COL4A3: variants seen among roughly 807,000 people sequenced by gnomAD.
The protein encoded by COL4A3 is collagen type IV alpha 3 chain.
In COL4A3, 135 loss-of-function variants were observed where a neutral mutation model predicts 217.4. That is an observed-to-expected ratio of 0.62 (90% CI 0.54 to 0.72). The LOEUF (loss-of-function observed/expected upper bound fraction) is 0.72. Ranked by LOEUF, COL4A3 falls within the 30% of genes least tolerant of loss-of-function variation. The pLI, the probability that COL4A3 is intolerant of heterozygous loss-of-function variation, is 0.00. For missense variants in COL4A3, 1,868 were observed against 2,119.9 expected (o/e 0.88, Z 2.33); for synonymous variants, 690 against 736.3 (o/e 0.94, Z 1.02).
At chr2:227,272,197 G>T (rs565201651) in intron 25 of COL4A3, among the ~76,000 whole-genome samples, 4 of 152,156 alleles carry the variant, frequency 2.6e-5, no homozygotes, top group Middle Eastern at 3.2e-3. Context: ...CTAATATTAA[G>T]AGAATTTGTA....
chr2:227,258,576 C>A (rs2070345024), intron 18 of COL4A3, among the ~76,000 whole-genome samples: 1 of 152,144 alleles, frequency 6.6e-6, no homozygotes, highest in Non-Finnish European at 1.5e-5. Flanking sequence ...TTGGCTGCAT[C>A]CTCACATGGC....
intron 37 of COL4A3, among the ~76,000 whole-genome samples, chr2:227,291,583 A>AAC (rs2072738252): frequency 3.9e-5 from 1 of 25,486 alleles, no homozygotes; most frequent in East Asian, 1.4e-3. Flanking sequence ...AAAAAAACAA[A>AAC]AAAAAAAAAC....
intron 21 of COL4A3, 89 bp from the exon 22 acceptor site, chr2:227,266,328 G>C: frequency 2.1e-6 from 2 of 967,936 alleles, no homozygotes; most frequent in Non-Finnish European, 3.3e-6. Context: ...AGATGAGAGA[G>C]ATGCATTTTA....
At chr2:227,246,566 A>G in intron 6 of COL4A3, 119 bp from the exon 7 acceptor site, 1 of 790,660 alleles carries the variant, frequency 1.3e-6, no homozygotes, top group African/African-American at 1.7e-5. Context: ...GCCATAAGGA[A>G]TTCGGGTTAC....
chr2:227,285,827 A>T (rs1332978892), intron 34 of COL4A3, among the ~76,000 whole-genome samples: 1 of 152,184 alleles, frequency 6.6e-6, no homozygotes, highest in Non-Finnish European at 1.5e-5. Flanking sequence ...GCTGTTCTGT[A>T]TGTTTTCTTT....
At chr2:227,196,931 G>A (rs1265005557) in intron 1 of COL4A3, among the ~76,000 whole-genome samples, 2 of 152,144 alleles carry the variant, frequency 1.3e-5, no homozygotes, top group African/African-American at 4.8e-5. Flanking sequence ...ATTCCCACAC[G>A]TTGTGAGAGG....
chr2:227,298,925 C>T, intron 43 of COL4A3, 113 bp downstream of exon 43: 1 of 1,047,800 alleles, frequency 9.5e-7, no homozygotes, highest in South Asian at 1.7e-5. Context: ...AGTCCATTCT[C>T]ATGATGTTAA....
rs55868261 is a variant in COL4A3 at position 227,202,880 on chromosome 2, CAT to C, written c.88-35085_88-35084del. Among the ~76,000 whole-genome samples the C allele has an allele frequency of 4.7e-4, 9 of 19,012 alleles. 1 individual carries two copies. Among genetic ancestry groups the C allele is most frequent in the Admixed American group, 7.2e-4 (1 of 1,396 alleles). The allele number at this position is 19,012 out of a possible 152,430, so 12.5% of individuals were successfully genotyped here. ...ATATATACATATATGTGTATATATACATATGTGTATATATGTGTATATATGTG... is the reference window on the plus strand; with the variant it reads ...ATATATACATATATGTGTATATATACATGTGTATATATGTGTATATATGTG... On this transcript the variant is annotated intron_variant, in intron 1 of 51. Coordinates refer to ENST00000396578, the MANE Select transcript of COL4A3 (RefSeq NM_000091.5).
rs1375959023 is a variant in COL4A3, at chr2:227,284,337, G to T, written c.2873G>T (p.Gly958Val). Residue 958 changes from glycine (G) to valine (V), a missense_variant, in exon 34 of 52, where the codon GGT becomes GTT. Physicochemically the swap from Gly to Val is moderately radical, Grantham distance 109. Coordinates refer to ENST00000396578, the MANE Select transcript of COL4A3 (RefSeq NM_000091.5). ...SHVIGDKGEPGLKGFAGNPGE... is the reference protein window; with the variant it reads ...SHVIGDKGEPVLKGFAGNPGE... ...GTAATAGGGGACAAAGGAGAACCAG[G>T]TCTCAAAGGTAAAGAATTGCTTGTT... 1 of 1,613,522 alleles carries T rather than the reference G, an allele frequency of 6.2e-7. No homozygotes were observed. The highest frequency in any genetic ancestry group is 8.5e-7 in the Non-Finnish European group (1 of 1,179,846).
chr2:227,192,359 G>C (rs2066275138), intron 1 of COL4A3, among the ~76,000 whole-genome samples: 1 of 152,122 alleles, frequency 6.6e-6, no homozygotes, highest in Non-Finnish European at 1.5e-5. Context: ...TGAAATGTTA[G>C]ATGTGGTTTA....
chr2:227,208,805 C>CACAT (rs1553741133), intron 1 of COL4A3, among the ~76,000 whole-genome samples: 5 of 106,330 alleles, frequency 4.7e-5, no homozygotes, highest in African/African-American at 1.8e-4. Flanking sequence ...CACACACACA[C>CACAT]ATATATACAG....
Position 227,309,211 on chromosome 2 carries a change from G to C in COL4A3, c.4648G>C (p.Val1550Leu). 2 of 1,614,198 alleles carry C rather than the reference G, an allele frequency of 1.2e-6. No homozygotes were observed. Among genetic ancestry groups the C allele is most frequent in the South Asian group, 1.1e-5 (1 of 91,086 alleles). ...ALEPYISRCTVCEGPAIAIAV... is the reference protein window; with the variant it reads ...ALEPYISRCTLCEGPAIAIAV... ...CTTTGTTTCATGTTACAGATGCACT[G>C]TTTGTGAAGGTCCTGCGATCGCCAT... The change falls in exon 50 of 52, where the codon GTT becomes CTT. Residue 1550 changes from valine to leucine, a missense_variant. Coordinates refer to ENST00000396578, the MANE Select transcript of COL4A3 (RefSeq NM_000091.5).
rs765596584 is a variant in COL4A3 at position 227,279,789 on chromosome 2, G to C, written c.2126-4G>C. 1 of 1,598,580 alleles carries C rather than the reference G, an allele frequency of 6.3e-7. No homozygotes were observed. The highest frequency in any genetic ancestry group is 1.7e-5 in the Admixed American group (1 of 58,848). On this transcript the variant is annotated splice_region_variant and splice_polypyrimidine_tract_variant and intron_variant, in intron 28 of 51. Transcript: ENST00000396578. ...CAACAATGTTTATTGTTTTTTCTCT[G>C]TAGGAGACCAAGGTTTTCCAGGTAC... is the stretch of plus-strand genomic sequence containing the variant.
chr2:227,270,725 A>T lies in COL4A3; in HGVS notation c.1576-45A>T, dbSNP rs776760755. 6.3e-6 allele frequency: 10 copies of T among 1,587,068 alleles called. 1 individual carries two copies. Among genetic ancestry groups the T allele is most frequent in the Middle Eastern group, 1.7e-4 (1 of 5,802 alleles). On this transcript the variant is annotated intron_variant, in intron 24 of 51. Transcript: ENST00000396578. ...CTGTTTTTAAGATTGACAGAAGAAG[A>T]ATTCTAACAAAATACAATACAGATT...
At chr2:227,262,347 A>G (rs1312716710) in intron 20 of COL4A3, among the ~76,000 whole-genome samples, 4 of 152,200 alleles carry the variant, frequency 2.6e-5, no homozygotes, top group African/African-American at 9.6e-5. Context: ...AGGCTCCTTT[A>G]ATAAGCCGAT....
rs1286229325 is a variant in COL4A3 at position 227,191,901 on chromosome 2, G to A, written c.87+27088G>A. Among the ~76,000 whole-genome samples, 1 of 152,018 alleles carries A rather than the reference G, an allele frequency of 6.6e-6. No homozygotes were observed. The highest frequency in any genetic ancestry group is 1.5e-5 in the Non-Finnish European group (1 of 68,016). Reference sequence around the variant, plus strand: ...AAATTTGGCAATTTCTTCAACAGCAGTGCCCTTATCAAAAACAGACACTTG... The same window carrying A: ...AAATTTGGCAATTTCTTCAACAGCAATGCCCTTATCAAAAACAGACACTTG... On this transcript the variant is annotated intron_variant, in intron 1 of 51. Transcript: ENST00000396578. This position sits in a 1 kb window ranked among gnomAD's most constrained non-coding sequence, Gnocchi z 6.8.
rs527830179 is a variant in COL4A3 at position 227,177,164 on chromosome 2, T to C, written c.87+12351T>C. Among the ~76,000 whole-genome samples, 1,171 of 148,682 alleles carry C rather than the reference T, an allele frequency of 7.9e-3. 12 individuals are homozygous for C. Among genetic ancestry groups the C allele is most frequent in the African/African-American group, 0.027 (1,095 of 40,368 alleles). Reference sequence around the variant, plus strand: ...TTTCTTTCCTTTTTTTTTTTTTTTTTCTCCAGATGGAGTCTTGCTCTGTAA... The same window carrying C: ...TTTCTTTCCTTTTTTTTTTTTTTTTCCTCCAGATGGAGTCTTGCTCTGTAA... On this transcript the variant is annotated intron_variant, in intron 1 of 51. Transcript: ENST00000396578.
chr2:227,247,780 C>G (rs1428703933), intron 8 of COL4A3, among the ~76,000 whole-genome samples, 196 bp downstream of exon 8: 1 of 152,208 alleles, frequency 6.6e-6, no homozygotes, highest in East Asian at 1.9e-4. Flanking sequence ...CATAAAGAGT[C>G]TTAAGGATAC....
intron 9 of COL4A3, among the ~76,000 whole-genome samples, chr2:227,249,230 A>ATATATATATATATATATATATATTTTT: frequency 1.4e-4 from 2 of 14,690 alleles, no homozygotes; most frequent in Non-Finnish European, 2.5e-4. Flanking sequence ...ATATATATAT[A>ATATATATATATATATATATATATTTTT]TTTTTTTTTT....
Sources: allele counts gnomAD v4.1 joint callset (sites outside exome capture counted in the v4.1 genomes callset), GRCh38; gene constraint gnomAD v4.1.1; non-coding constraint Gnocchi (gnomAD v3.1); transcripts MANE v1.5; gene names NCBI Gene and HGNC (gene_info 2026-07-23, HGNC 2026-07-21).